The following LRRC37A2 variants were observed in gnomAD, a reference collection of about 807,000 sequenced individuals.
LRRC37A2 encodes leucine-rich repeat-containing protein 37A2.
LRRC37A2 carries 9 observed loss-of-function variants against 68.8 expected under a neutral mutation model. The observed-to-expected ratio is 0.13, with a 90% CI of 0.08 to 0.23. The LOEUF is 0.23. Ranked by LOEUF, LRRC37A2 falls within the 10% of genes least tolerant of loss-of-function variation. The pLI, the probability that LRRC37A2 is intolerant of heterozygous loss-of-function variation, is 1.00. For synonymous variants in LRRC37A2, 63 were observed against 367.6 expected, an observed-to-expected ratio of 0.17 and a Z score of 9.48; for missense variants, 168 against 950.4, an observed-to-expected ratio of 0.18 and a Z score of 10.82.
the LRRC37A2 span, among the ~76,000 whole-genome samples, chr17:46,946,457 G>A: frequency 4.4e-5 from 4 of 89,912 alleles, no homozygotes; most frequent in South Asian, 1.3e-3. Context: ...GCAAAACTCC[G>A]TCTCAAAAAA....
At chr17:46,625,877 A>AT in the LRRC37A2 span, among the ~76,000 whole-genome samples, 8 of 99,190 alleles carry the variant, frequency 8.1e-5, no homozygotes, top group South Asian at 3.1e-4. Flanking sequence ...GACCACATGT[A>AT]TTAAAAAAAA....
At chr17:46,891,349 C>T in the LRRC37A2 span, among the ~76,000 whole-genome samples, 1 of 152,140 alleles carries the variant, frequency 6.6e-6, no homozygotes, top group East Asian at 1.9e-4. Flanking sequence ...AACTGAGGCT[C>T]AGAGAGATGA....
chr17:46,886,901 C>G, the LRRC37A2 span, among the ~76,000 whole-genome samples: 108 of 152,264 alleles, frequency 7.1e-4, 1 homozygote, highest in East Asian at 0.019. Context: ...ACTGCAAACT[C>G]CACCTCCTAG....
intron 8 of LRRC37A2, among the ~76,000 whole-genome samples, chr17:46,543,853 A>G (rs1332462474): frequency 2.7e-5 from 4 of 150,232 alleles, no homozygotes; most frequent in Admixed American, 1.3e-4. Context: ...TTTTGGGCTC[A>G]TGCCTGTAAT....
At chr17:46,844,457 A>T in the LRRC37A2 span, among the ~76,000 whole-genome samples, 2 of 152,138 alleles carry the variant, frequency 1.3e-5, no homozygotes, top group Non-Finnish European at 2.9e-5. Flanking sequence ...CTATGGTCCA[A>T]CTGTCTACCA....
At chr17:46,860,348 A>C in the LRRC37A2 span, among the ~76,000 whole-genome samples, 1 of 152,028 alleles carries the variant, frequency 6.6e-6, no homozygotes, top group African/African-American at 2.4e-5. Context: ...GCTCAGGAGG[A>C]GGTGGGCCAG....
the LRRC37A2 span, among the ~76,000 whole-genome samples, chr17:46,954,791 G>A: frequency 5.3e-5 from 8 of 152,204 alleles, no homozygotes; most frequent in African/African-American, 1.9e-4. Flanking sequence ...TGAAGCAATT[G>A]TGAATGGGAG....
At chr17:46,917,742 G>C in the LRRC37A2 span, among the ~76,000 whole-genome samples, 5 of 152,210 alleles carry the variant, frequency 3.3e-5, no homozygotes, top group Admixed American at 2.6e-4. Context: ...TGCAGTACCA[G>C]CTTTAAATAA....
chr17:46,913,564 T>C, the LRRC37A2 span, among the ~76,000 whole-genome samples: 1 of 152,282 alleles, frequency 6.6e-6, no homozygotes, highest in Admixed American at 6.5e-5. Context: ...GAACAGTGCA[T>C]ACAAAGGCCA....
the LRRC37A2 span, among the ~76,000 whole-genome samples, chr17:46,882,250 A>G: frequency 6.6e-6 from 1 of 152,200 alleles, no homozygotes. Flanking sequence ...ATGTCTCTCC[A>G]GCTCCCTGTA....
the LRRC37A2 span, among the ~76,000 whole-genome samples, chr17:46,621,412 A>G: frequency 0.97 from 104,711 of 108,494 alleles, 50,697 homozygotes; most frequent in Non-Finnish European, 1. Context: ...TCAGCCTCCC[A>G]AGTAGCTGGG....
the LRRC37A2 span, chr17:46,876,554 G>T: frequency 6.2e-7 from 1 of 1,613,644 alleles, no homozygotes; most frequent in Non-Finnish European, 8.5e-7. Context: ...AGCAGGTAGG[G>T]TGTGCTCCCG....
chr17:46,943,173 C>T, the LRRC37A2 span, among the ~76,000 whole-genome samples: 2 of 152,176 alleles, frequency 1.3e-5, no homozygotes, highest in South Asian at 2.1e-4. Flanking sequence ...TTCCCCTGGC[C>T]GCACCGTGGG....
the LRRC37A2 span, among the ~76,000 whole-genome samples, chr17:46,836,011 A>G: frequency 6.6e-6 from 1 of 151,604 alleles, no homozygotes; most frequent in South Asian, 2.1e-4. Flanking sequence ...GTGCCCACAC[A>G]TTCTGGATGG....
the LRRC37A2 span, among the ~76,000 whole-genome samples, chr17:46,738,507 C>G: frequency 6.6e-6 from 1 of 152,074 alleles, no homozygotes; most frequent in Admixed American, 6.6e-5. Flanking sequence ...GAATAAGGAC[C>G]ATCATAACAA....
chr17:46,800,112 T>C, the LRRC37A2 span, among the ~76,000 whole-genome samples: 1,169 of 152,038 alleles, frequency 7.7e-3, 17 homozygotes, highest in African/African-American at 0.027. Flanking sequence ...AATTCCTATT[T>C]ATTTATTTAT....
chr17:46,945,777 G>C, the LRRC37A2 span, among the ~76,000 whole-genome samples: 1 of 152,152 alleles, frequency 6.6e-6, no homozygotes, highest in Non-Finnish European at 1.5e-5. Context: ...AGGGAGTGGG[G>C]ACCTCTATAG....
At chr17:46,555,797 T>G, downstream of LRRC37A2, 2 of 194,042 alleles carry the variant, frequency 1.0e-5, no homozygotes, top group Admixed American at 1.4e-4. Flanking sequence ...CTGGGGAGAG[T>G]CCATGAAAAA....
At chr17:46,781,747 G>A in the LRRC37A2 span, among the ~76,000 whole-genome samples, 1 of 152,116 alleles carries the variant, frequency 6.6e-6, no homozygotes, top group Non-Finnish European at 1.5e-5. Context: ...ATCAAAGGAG[G>A]GATGGTGCTT....
Sources: allele counts gnomAD v4.1 joint callset (sites outside exome capture counted in the v4.1 genomes callset), GRCh38; gene constraint gnomAD v4.1.1; transcripts MANE v1.5; gene names NCBI Gene and HGNC (gene_info 2026-07-23, HGNC 2026-07-21).